Variants in EBF3 observed in about 807,000 individuals in gnomAD.
EBF3 encodes transcription factor COE3.
Under a neutral mutation model 77.1 loss-of-function variants are expected in EBF3, and 18 were observed. The observed-to-expected ratio is 0.23, with a 90% CI of 0.16 to 0.35. The LOEUF is 0.35. Ranked by LOEUF, EBF3 falls within the 10% of genes least tolerant of loss-of-function variation. The pLI is 1.00. For missense variants in EBF3, 558 were observed against 860.0 expected, an observed-to-expected ratio of 0.65 and a Z score of 4.39; for synonymous variants, 350 against 343.5, an observed-to-expected ratio of 1.02 and a Z score of -0.21.
intron 6 of EBF3, among the ~76,000 whole-genome samples, chr10:129,926,495 C>T (rs1564896151): frequency 6.6e-6 from 1 of 152,136 alleles, no homozygotes; most frequent in Non-Finnish European, 1.5e-5. Flanking sequence ...ATCCGCGGTG[C>T]ATGGACCACT....
At chr10:129,860,506 T>C (rs1452095103) in intron 10 of EBF3, among the ~76,000 whole-genome samples, 4 of 152,186 alleles carry the variant, frequency 2.6e-5, no homozygotes, top group Admixed American at 2.0e-4. Flanking sequence ...CTTTGTGATT[T>C]ATCAGCTCAT....
At chr10:129,928,690 T>C (rs904858737) in intron 6 of EBF3, among the ~76,000 whole-genome samples, 1 of 152,210 alleles carries the variant, frequency 6.6e-6, no homozygotes, top group African/African-American at 2.4e-5. Context: ...ACAGGACATT[T>C]TGGCAATTGC....
intron 6 of EBF3, among the ~76,000 whole-genome samples, chr10:129,905,241 G>A (rs1315773387): frequency 6.6e-6 from 1 of 152,218 alleles, no homozygotes; most frequent in Non-Finnish European, 1.5e-5. Context: ...CAAGCCACAG[G>A]TGGCAACTAG....
intron 6 of EBF3, among the ~76,000 whole-genome samples, chr10:129,933,218 A>G (rs1480594772): frequency 6.6e-6 from 1 of 152,160 alleles, no homozygotes; most frequent in Non-Finnish European, 1.5e-5. Flanking sequence ...ACCCACACAC[A>G]CACATACGGG....
At position 129,886,902 on chromosome 10, in the gene EBF3, C is replaced by G. The variant is rs374831005; in HGVS notation, c.555-9053G>C. ...TGCAGGAGACTATGTATGAGAGACA[C>G]AGAGAGACGCACACTTGAGTGCCCC... On this transcript the variant is annotated intron_variant, in intron 6 of 16. Coordinates refer to ENST00000440978, the MANE Select transcript of EBF3 (RefSeq NM_001375380.1). 9.7e-4 allele frequency among the ~76,000 whole-genome samples: 147 copies of G among 152,152 alleles called. 3 individuals are homozygous for G. The South Asian group carries it at 0.029, about 30-fold the overall frequency.
At chr10:129,877,901 T>A (rs1852906308) in intron 6 of EBF3, 52 bp from the exon 7 acceptor site, 3 of 1,460,976 alleles carry the variant, frequency 2.1e-6, no homozygotes, top group Non-Finnish European at 1.9e-6. Context: ...GACAAAAGAC[T>A]CAAACTTTTT....
In EBF3 at chr10:129,938,379, A is replaced by T. The variant is rs1246525701; in HGVS notation, c.554+18879T>A. Among the ~76,000 whole-genome samples the T allele has an allele frequency of 1.3e-4, 1 of 7,492 alleles. No individual in the cohort carries two copies. Among genetic ancestry groups the T allele is most frequent in the Non-Finnish European group, 2.5e-4 (1 of 3,942 alleles). The allele number at this position is 7,492 out of a possible 152,430, so 4.9% of individuals were successfully genotyped here. On this transcript the variant is annotated intron_variant, in intron 6 of 16. Transcript: ENST00000440978. The surrounding 1 kb of genome is among the most constrained non-coding windows in gnomAD (Gnocchi z 5.1). ...ACATGGCAAAACCCCATCTCTATTT[A>T]AAAAAAAAAAAAAAAAAGACAAAAA...
intron 6 of EBF3, among the ~76,000 whole-genome samples, chr10:129,921,149 C>T (rs1200427043): frequency 6.6e-6 from 1 of 152,152 alleles, no homozygotes; most frequent in South Asian, 2.1e-4. Flanking sequence ...CTGGGAATCA[C>T]GTTCTGGAAA....
At position 129,879,383 on chromosome 10, in the gene EBF3, G is replaced by A. The variant is rs1853037022; in HGVS notation, c.555-1534C>T. ...TCCTACTTGGTGATTATTAATTTTT[G>A]ATGAAGTTTCACATGATTTTCTTAC... On this transcript the variant is annotated intron_variant, in intron 6 of 16. Coordinates refer to ENST00000440978, the MANE Select transcript of EBF3 (RefSeq NM_001375380.1). This position sits in a 1 kb window ranked among gnomAD's most constrained non-coding sequence, Gnocchi z 4.7. 6.6e-6 allele frequency among the ~76,000 whole-genome samples: 1 copy of A among 152,144 alleles called. No homozygotes were observed. The highest frequency in any genetic ancestry group is 1.5e-5 in the Non-Finnish European group (1 of 68,026).
chr10:129,848,585 GCTCT>G lies in EBF3; in HGVS notation c.1040-109_1040-106del, dbSNP rs746159437. On this transcript the variant is annotated intron_variant, in intron 10 of 16. Transcript: ENST00000440978. This position sits in a 1 kb window ranked among gnomAD's most constrained non-coding sequence, Gnocchi z 4.4. ...AAATGTGTAGTTCTCCTGCTCTGATGCTCTCTAAGGCAAGCACCCCTGAATACTA... is the reference window on the plus strand; with the variant it reads ...AAATGTGTAGTTCTCCTGCTCTGATGCTAAGGCAAGCACCCCTGAATACTA... The G allele has an allele frequency of 4.7e-4, 567 of 1,200,500 alleles. 1 individual carries two copies. Among genetic ancestry groups the G allele is most frequent in the South Asian group, 1.1e-3 (93 of 81,552 alleles). The allele number at this position is 1,200,500 out of a possible 1,614,324, so 74.4% of individuals were successfully genotyped here.
At chr10:129,876,813 C>T (rs1402559954) in intron 7 of EBF3, among the ~76,000 whole-genome samples, 2 of 148,528 alleles carry the variant, frequency 1.3e-5, no homozygotes, top group Non-Finnish European at 3.0e-5. Flanking sequence ...GCTTCCTAAT[C>T]ATTCACAAAA....
At chr10:129,898,563 G>A (rs915366497) in intron 6 of EBF3, among the ~76,000 whole-genome samples, 4 of 152,128 alleles carry the variant, frequency 2.6e-5, no homozygotes, top group Admixed American at 6.5e-5. Context: ...TGCATCCGTC[G>A]CCCCACTCCA....
rs1475040678 is a variant in EBF3, at chr10:129,896,911, C to G, written c.555-19062G>C. Among the ~76,000 whole-genome samples, 4 of 152,138 alleles carry G rather than the reference C, an allele frequency of 2.6e-5. No individual in the cohort carries two copies. The East Asian group carries it at 7.7e-4, about 29-fold the overall frequency. The stretch of plus-strand genomic sequence containing the variant: ...GAGAAGCCTGCCCACGCCGCCACCC[C>G]AGGCCTCCTCTTTATTGCCTGTCCT... On this transcript the variant is annotated intron_variant, in intron 6 of 16. Coordinates refer to ENST00000440978, the MANE Select transcript of EBF3 (RefSeq NM_001375380.1).
At chr10:129,902,047 A>T (rs1854822068) in intron 6 of EBF3, among the ~76,000 whole-genome samples, 1 of 152,228 alleles carries the variant, frequency 6.6e-6, no homozygotes, top group Non-Finnish European at 1.5e-5. Flanking sequence ...TGCTTTTAAT[A>T]CAAAATCTAC....
In EBF3 at chr10:129,963,708, C is replaced by T. The variant is rs150909132; in HGVS notation, c.61G>A (p.Gly21Ser). 321 of 1,535,906 alleles carry T rather than the reference C, an allele frequency of 2.1e-4. No homozygotes were observed. The highest frequency in any genetic ancestry group is 2.6e-4 in the Non-Finnish European group (296 of 1,135,736). The part of the protein sequence containing the change: ...GGTTMKEEPL[G>S]SGMNPVRSWM... ...GAGCGCACCGGGTTCATGCCGCTGC[C>T]CAGCGGCTCCTCCTTCATGGTCGTC... The change falls in exon 1 of 17, where the codon GGC (glycine) becomes AGC (serine). Residue 21 changes from glycine (G) to serine (S), a missense_variant. Physicochemically the swap from Gly to Ser is moderately conservative, Grantham distance 56. Coordinates refer to ENST00000440978, the MANE Select transcript of EBF3 (RefSeq NM_001375380.1). This position sits in a 1 kb window ranked among gnomAD's most constrained non-coding sequence, Gnocchi z 7.1.
At chr10:129,900,904 G>A (rs1854733909) in intron 6 of EBF3, among the ~76,000 whole-genome samples, 1 of 152,232 alleles carries the variant, frequency 6.6e-6, no homozygotes, top group Non-Finnish European at 1.5e-5. Context: ...GGTCTTGGGA[G>A]CCATTGAAAG....
At chr10:129,838,065 C>T (rs1030365519) in intron 16 of EBF3, 105 bp from the exon 17 acceptor site, 9 of 1,399,270 alleles carry the variant, frequency 6.4e-6, no homozygotes, top group Middle Eastern at 1.8e-4. Context: ...AACTGGGAGG[C>T]TGGTCTTGCA....
Position 129,947,635 on chromosome 10 carries a change from T to C in EBF3, c.554+9623A>G, listed in dbSNP as rs1329390164. Reference sequence around the variant, plus strand: ...AGCAATGCCACTTAAATTCTGAATATAAAGTTAAAATGTTTTCATTTCTTT... The same window carrying C: ...AGCAATGCCACTTAAATTCTGAATACAAAGTTAAAATGTTTTCATTTCTTT... On this transcript the variant is annotated intron_variant, in intron 6 of 16. Coordinates refer to ENST00000440978, the MANE Select transcript of EBF3 (RefSeq NM_001375380.1). The surrounding 1 kb of genome is among the most constrained non-coding windows in gnomAD (Gnocchi z 4.5). Among the ~76,000 whole-genome samples the C allele has an allele frequency of 6.7e-6, 1 of 148,686 alleles. No individual in the cohort carries two copies. Among genetic ancestry groups the C allele is most frequent in the Non-Finnish European group, 1.5e-5 (1 of 67,364 alleles).
At position 129,842,099 on chromosome 10, in the gene EBF3, C is replaced by T. The variant is rs1480761500; in HGVS notation, c.1372+17G>A. 2 of 1,614,138 alleles carry T rather than the reference C, an allele frequency of 1.2e-6. No individual in the cohort carries two copies. The highest frequency in any genetic ancestry group is 1.7e-5 in the Admixed American group (1 of 60,022). ...GAGGGCGTTCAGGGCAGGGGTCCTCCCAGCATGCTGGCATACCTTGGTCGT... is the reference window on the plus strand; with the variant it reads ...GAGGGCGTTCAGGGCAGGGGTCCTCTCAGCATGCTGGCATACCTTGGTCGT... On this transcript the variant is annotated intron_variant, in intron 13 of 16. Transcript: ENST00000440978. The surrounding 1 kb of genome is among the most constrained non-coding windows in gnomAD (Gnocchi z 4.4).
Sources: gnomAD v4.1 joint callset for allele counts (sites outside exome capture counted in the v4.1 genomes callset) on GRCh38, gnomAD v4.1.1 for gene constraint, Gnocchi (gnomAD v3.1) non-coding constraint, MANE v1.5 for transcripts, NCBI Gene and HGNC (gene_info 2026-07-23, HGNC 2026-07-21) for gene names.